The following DISP1 variants were observed in gnomAD, a reference collection of about 807,000 sequenced individuals.
DISP1 encodes the protein dispatched RND transporter family member 1, also known as protein dispatched homolog 1.
DISP1 carries 30 observed loss-of-function variants against 37.3 expected under a neutral mutation model. The ratio of observed to expected loss-of-function variants is 0.80; its 90% CI spans 0.60 to 1.09. The LOEUF is 1.09. Ranked by LOEUF, DISP1 falls within the 50% of genes least tolerant of loss-of-function variation. DISP1 has a pLI of 0.00. For synonymous variants in DISP1, 634 were observed against 690.2 expected (o/e 0.92, Z 1.28); for missense variants, 1,598 against 1,879.5 (o/e 0.85, Z 2.77).
chr1:222,920,911 T>C (rs1672774428), intron 1 of DISP1, among the ~76,000 whole-genome samples: 1 of 152,228 alleles, frequency 6.6e-6, no homozygotes, highest in East Asian at 1.9e-4. Context: ...TACGGTTTTC[T>C]AGTCTATAAT....
chr1:222,943,426 T>C (rs1439263695), intron 3 of DISP1, 94 bp downstream of exon 3: 1 of 1,550,934 alleles, frequency 6.4e-7, no homozygotes, highest in Non-Finnish European at 8.9e-7. Context: ...AGGAGAAAAA[T>C]GAGGCACAGA....
At chr1:223,001,338 TCTTA>T (rs1323626844) in intron 8 of DISP1, among the ~76,000 whole-genome samples, 3 of 152,208 alleles carry the variant, frequency 2.0e-5, no homozygotes, top group South Asian at 2.1e-4. Flanking sequence ...ATAATTAAAT[TCTTA>T]CTTAGGCATT....
intron 2 of DISP1, 128 bp downstream of exon 2, chr1:222,928,698 T>A (rs904141902): frequency 9.2e-5 from 14 of 152,352 alleles, no homozygotes; most frequent in African/African-American, 3.1e-4. Flanking sequence ...AGCTCACTGT[T>A]TTGTTTTTTT....
At position 222,990,654 on chromosome 1, in the gene DISP1, TG is replaced by T; in HGVS notation, c.571del (p.Val191TrpfsTer11). 2 of 1,614,118 alleles carry T rather than the reference TG, an allele frequency of 1.2e-6. No individual in the cohort carries two copies. Among genetic ancestry groups the T allele is most frequent in the South Asian group, 2.2e-5 (2 of 91,084 alleles). On this transcript the variant is annotated frameshift_variant, in exon 5 of 9. Coordinates refer to ENST00000675850, the MANE Select transcript of DISP1 (RefSeq NM_001377229.1). LOFTEE classifies it high-confidence loss of function. ...GCAGCCCTGATAGCCGACTGGCCGG[TG>T]GTGGTCTTGGGCATGTGCACCATGT... Reference protein sequence around the residue: ...SYAALIADWPVVVLGMCTMFI... With the variant: ...SYAALIADWPXVVLGMCTMFI...
intron 1 of DISP1, among the ~76,000 whole-genome samples, chr1:222,886,567 A>G (rs1572426962): frequency 6.6e-6 from 1 of 152,208 alleles, no homozygotes; most frequent in Non-Finnish European, 1.5e-5. Context: ...CTGAGCACAA[A>G]TGTGGCTGGC....
intron 3 of DISP1, among the ~76,000 whole-genome samples, chr1:222,971,686 T>C (rs1466684730): frequency 1.3e-5 from 2 of 152,144 alleles, no homozygotes; most frequent in Middle Eastern, 3.2e-3. Flanking sequence ...TGTGGTCTCA[T>C]TGATGAAGGC....
At chr1:222,991,688 A>G (rs757725541) in intron 6 of DISP1, 41 bp downstream of exon 6, 4 of 1,585,080 alleles carry the variant, frequency 2.5e-6, no homozygotes, top group Middle Eastern at 2.1e-4. Flanking sequence ...TAGACAAAAC[A>G]TTGCTGAATG....
intron 1 of DISP1, among the ~76,000 whole-genome samples, chr1:222,924,666 A>T (rs1301858544): frequency 1.3e-5 from 2 of 152,202 alleles, no homozygotes; most frequent in Admixed American, 1.3e-4. Flanking sequence ...TATTAATTTG[A>T]CCATACTGAA....
intron 1 of DISP1, among the ~76,000 whole-genome samples, chr1:222,834,051 T>C (rs1222852103): frequency 2.6e-5 from 4 of 152,194 alleles, no homozygotes; most frequent in Non-Finnish European, 4.4e-5. Flanking sequence ...ACTACAACAG[T>C]AAGGCACAGA....
At chr1:222,943,644 G>T in intron 3 of DISP1, 2 of 416,980 alleles carry the variant, frequency 4.8e-6, no homozygotes, top group South Asian at 4.9e-5. Context: ...TTCTGTTATT[G>T]TACATGGGAA....
At chr1:222,962,498 C>T (rs1048909785) in intron 3 of DISP1, among the ~76,000 whole-genome samples, 2 of 152,168 alleles carry the variant, frequency 1.3e-5, no homozygotes, top group African/African-American at 4.8e-5. Context: ...AAGAACAAAG[C>T]TGGAGGCATC....
intron 1 of DISP1, among the ~76,000 whole-genome samples, chr1:222,820,771 A>G (rs1022600901): frequency 2.0e-5 from 3 of 152,338 alleles, no homozygotes; most frequent in South Asian, 4.1e-4. Flanking sequence ...AGGAAATACA[A>G]GATAATGTAC....
chr1:222,909,262 C>T (rs1366925382), intron 1 of DISP1, among the ~76,000 whole-genome samples: 1 of 152,166 alleles, frequency 6.6e-6, no homozygotes, highest in Non-Finnish European at 1.5e-5. Flanking sequence ...CATGTGTCAA[C>T]ACTGTGTTTA....
Position 223,005,562 on chromosome 1 carries a change from G to T in DISP1, c.4165G>T (p.Ala1389Ser). 1 of 1,614,062 alleles carries T rather than the reference G, an allele frequency of 6.2e-7. No homozygotes were observed. The highest frequency in any genetic ancestry group is 1.1e-5 in the South Asian group (1 of 91,076). Residue 1389 changes from alanine to serine, a missense_variant, in exon 9 of 9, where the codon GCA (alanine) becomes TCA (serine). By Grantham distance (99) the Ala-to-Ser change is moderately conservative (BLOSUM62 1). Transcript: ENST00000675850. ...CATAGAAGAGCATCTTCCAAAGATG[G>T]CAGAGCCATCGTCATTTGTCTGCAG... ...RSIEEHLPKM[A>S]EPSSFVCRST...
intron 2 of DISP1, among the ~76,000 whole-genome samples, chr1:222,937,007 AATATT>A (rs1322205702): frequency 2.6e-3 from 303 of 115,704 alleles, no homozygotes; most frequent in African/African-American, 9.7e-3. Flanking sequence ...TATAATATAG[AATATT>A]ATATATTATA....
chr1:222,999,679 A>C (rs1679304823), intron 8 of DISP1, among the ~76,000 whole-genome samples: 1 of 152,218 alleles, frequency 6.6e-6, no homozygotes. Flanking sequence ...GTAGATGCTC[A>C]GTAAATTTGC....
At chr1:222,921,989 G>C (rs181629917) in intron 1 of DISP1, among the ~76,000 whole-genome samples, 3 of 152,320 alleles carry the variant, frequency 2.0e-5, no homozygotes, top group African/African-American at 7.2e-5. Context: ...GGTAATCAGA[G>C]AAGGTTTCAT....
Position 222,943,252 on chromosome 1 carries a change from C to G in DISP1, c.429C>G (p.Pro143=). ...ATCAGACTACGTGCTGTCTTCAGCCCTCTCCATCCTTCTGCCTGCATCATC... is the reference window on the plus strand; with the variant it reads ...ATCAGACTACGTGCTGTCTTCAGCCGTCTCCATCCTTCTGCCTGCATCATC... ...PVYQTTCCLQ[P]SPSFCLHHPW... Residue 143 remains proline, a synonymous_variant, in exon 3 of 9, where the codon CCC becomes CCG. Transcript: ENST00000675850. 6.2e-7 allele frequency: 1 copy of G among 1,613,930 alleles called. No individual in the cohort carries two copies. Among genetic ancestry groups the G allele is most frequent in the Non-Finnish European group, 8.5e-7 (1 of 1,179,854 alleles).
intron 4 of DISP1, among the ~76,000 whole-genome samples, chr1:222,990,404 G>T (rs1165096796): frequency 1.3e-5 from 2 of 152,016 alleles, no homozygotes; most frequent in Non-Finnish European, 2.9e-5. Context: ...AAAAATGAGG[G>T]GACAATGATC....
Sources: gnomAD v4.1 joint callset for allele counts (sites outside exome capture counted in the v4.1 genomes callset) on GRCh38, gnomAD v4.1.1 for gene constraint, MANE v1.5 for transcripts, NCBI Gene and HGNC (gene_info 2026-07-23, HGNC 2026-07-21) for gene names.